Variants in NCOA2 observed in about 807,000 individuals in gnomAD.
NCOA2 encodes the protein nuclear receptor coactivator 2.
Under a neutral mutation model 145.1 loss-of-function variants are expected in NCOA2, and 21 were observed. The ratio of observed to expected loss-of-function variants is 0.14; its 90% CI spans 0.10 to 0.21. The LOEUF (loss-of-function observed/expected upper bound fraction) is 0.21, where lower values mean the gene tolerates loss of function less well. NCOA2 is among the 10% of genes least tolerant of loss of function. NCOA2 has a pLI of 1.00. For missense variants in NCOA2, 1,472 were observed against 1,837.6 expected, an observed-to-expected ratio of 0.80 and a Z score of 3.64; for synonymous variants, 619 against 637.5, an observed-to-expected ratio of 0.97 and a Z score of 0.44.
intron 1 of NCOA2, among the ~76,000 whole-genome samples, chr8:70,388,158 G>GA (rs1174311497): frequency 2.0e-5 from 3 of 150,506 alleles, no homozygotes; most frequent in East Asian, 3.8e-4. Context: ...AGAACTCAAG[G>GA]AAAAAACTGA....
chr8:70,397,181 A>G (rs1813746686), intron 1 of NCOA2, among the ~76,000 whole-genome samples: 2 of 152,218 alleles, frequency 1.3e-5, no homozygotes, highest in Non-Finnish European at 2.9e-5. Flanking sequence ...AGAATGGGCC[A>G]GGTGCAATAG....
intron 1 of NCOA2, among the ~76,000 whole-genome samples, chr8:70,323,234 T>C (rs1563763476): frequency 6.6e-6 from 1 of 152,222 alleles, no homozygotes; most frequent in Non-Finnish European, 1.5e-5. Flanking sequence ...AATCCCTGCC[T>C]GAGTAGAGTT....
Position 70,128,974 on chromosome 8 carries a change from C to A in NCOA2, c.3331G>T (p.Ala1111Ser). Residue 1111 changes from alanine to serine, a missense_variant, in exon 17 of 23, where the codon GCA (alanine) becomes TCA (serine). This residue lies in a region of NCOA2 where 953 missense variants were observed against 1,062.1 expected (regional missense o/e 0.90). Transcript: ENST00000452400. The stretch of plus-strand genomic sequence containing the variant: ...CTTGAGAACTGTTCTGGATCTACTG[C>A]TTGGCTCTGGAGAGAAAGTCCCAAA... ...GIPELVSQSQ[A>S]VDPEQFSSQD... 6.3e-7 allele frequency: 1 copy of A among 1,599,392 alleles called. No homozygotes were observed. The highest frequency in any genetic ancestry group is 8.5e-7 in the Non-Finnish European group (1 of 1,172,296).
upstream of NCOA2, among the ~76,000 whole-genome samples, chr8:70,407,568 C>T (rs776202303): frequency 2.6e-5 from 4 of 151,348 alleles, no homozygotes; most frequent in Non-Finnish European, 5.9e-5. Flanking sequence ...GCAGGCAGAT[C>T]ACGAGGTTAA....
chr8:70,202,492 T>C (rs1211361219), intron 4 of NCOA2, among the ~76,000 whole-genome samples: 5 of 152,164 alleles, frequency 3.3e-5, no homozygotes, highest in African/African-American at 1.2e-4. Flanking sequence ...TATAACACAG[T>C]AGAATCTTAT....
Position 70,159,242 on chromosome 8 carries a change from A to ATATATATATATATT in NCOA2, c.1124+262_1124+263insAATATATATATATA. 7.9e-4 allele frequency among the ~76,000 whole-genome samples: 48 copies of ATATATATATATATT among 61,076 alleles called. 1 individual carries two copies. Among genetic ancestry groups the ATATATATATATATT allele is most frequent in the Admixed American group, 2.3e-3 (13 of 5,610 alleles). 40.1% of individuals were successfully genotyped at this position (61,076 alleles called of 152,430 possible). A position where few individuals can be genotyped will look rare whatever the true frequency, so the allele number is the denominator to read the frequency against. ...TAACATTATATATATATATATATAT[A>ATATATATATATATT]TTTTTTTTTTTTTCCCCCAAATATT... On this transcript the variant is annotated intron_variant, in intron 10 of 22. Coordinates refer to ENST00000452400, the MANE Select transcript of NCOA2 (RefSeq NM_006540.4).
chr8:70,396,475 C>A (rs1203086729), intron 1 of NCOA2, among the ~76,000 whole-genome samples: 1 of 152,190 alleles, frequency 6.6e-6, no homozygotes, highest in Admixed American at 6.5e-5. Flanking sequence ...CAGGGTTCTA[C>A]CTCTCAATGC....
intron 2 of NCOA2, among the ~76,000 whole-genome samples, chr8:70,230,405 C>T (rs1821032528): frequency 6.6e-6 from 1 of 152,132 alleles, no homozygotes. Flanking sequence ...ATGGTGATGG[C>T]TGCACAACTT....
At chr8:70,315,297 A>G (rs1208856443) in intron 1 of NCOA2, among the ~76,000 whole-genome samples, 5 of 152,198 alleles carry the variant, frequency 3.3e-5, no homozygotes, top group African/African-American at 1.2e-4. Context: ...TTCCAGCAAA[A>G]ACACTTAAAA....
chr8:70,422,200 T>C, the NCOA2 span, among the ~76,000 whole-genome samples: 1 of 152,116 alleles, frequency 6.6e-6, no homozygotes, highest in Non-Finnish European at 1.5e-5. Flanking sequence ...CCAAATTTCT[T>C]TTCTGCAAAG....
rs555971955 is a variant in NCOA2, at chr8:70,257,894, G to T, written c.-20+38850C>A. 3.5e-3 allele frequency among the ~76,000 whole-genome samples: 524 copies of T among 150,210 alleles called. 5 individuals are homozygous for T. Among genetic ancestry groups the T allele is most frequent in the African/African-American group, 0.012 (507 of 41,020 alleles). On this transcript the variant is annotated intron_variant, in intron 2 of 22. Transcript: ENST00000452400. ...CGCAACAACAGCAAAAAAAAAAAAA[G>T]AAAGATGAGCATGTCTTTTTTCTTT...
chr8:70,281,258 G>A (rs1825850054), intron 2 of NCOA2, among the ~76,000 whole-genome samples: 1 of 149,520 alleles, frequency 6.7e-6, no homozygotes. Flanking sequence ...GGAGGCTGAG[G>A]CAGGAAAATC....
chr8:70,338,910 T>TA (rs1427977486), intron 1 of NCOA2, among the ~76,000 whole-genome samples: 7 of 152,014 alleles, frequency 4.6e-5, no homozygotes, highest in Non-Finnish European at 7.4e-5. Flanking sequence ...CCCTTCATGT[T>TA]AAAAAATCTC....
Position 70,159,564 on chromosome 8 carries a change from G to T in NCOA2, c.1065C>A (p.Leu355=). 1 of 1,612,362 alleles carries T rather than the reference G, an allele frequency of 6.2e-7. No individual in the cohort carries two copies. The highest frequency in any genetic ancestry group is 8.5e-7 in the Non-Finnish European group (1 of 1,178,534). The change falls in exon 10 of 23, where the codon CTC becomes CTA. Residue 355 remains leucine (L), a synonymous_variant. Transcript: ENST00000452400. ...TLVAAQTKSK[L]IRSQTTNEPQ... ...GTTCATTAGTAGTCTGAGAACGGAT[G>T]AGTTTGCTCTTCGTTTGTGCAGCAA...
At chr8:70,186,478 C>A (rs986917274) in intron 4 of NCOA2, among the ~76,000 whole-genome samples, 1 of 152,050 alleles carries the variant, frequency 6.6e-6, no homozygotes, top group Admixed American at 6.6e-5. Flanking sequence ...CAAGGTGCTG[C>A]GAGGGACAAA....
chr8:70,252,695 T>A (rs1823299498), intron 2 of NCOA2, among the ~76,000 whole-genome samples: 1 of 152,132 alleles, frequency 6.6e-6, no homozygotes, highest in African/African-American at 2.4e-5. Flanking sequence ...GGTATTAAGG[T>A]TTTTATGTCT....
At chr8:70,345,655 T>C (rs140247213) in intron 1 of NCOA2, among the ~76,000 whole-genome samples, 35 of 152,368 alleles carry the variant, frequency 2.3e-4, no homozygotes, top group African/African-American at 7.2e-4. Flanking sequence ...TCTGCTACTG[T>C]TGCTCTGCAA....
At chr8:70,345,718 C>T (rs534299215) in intron 1 of NCOA2, among the ~76,000 whole-genome samples, 1 of 152,188 alleles carries the variant, frequency 6.6e-6, no homozygotes, top group South Asian at 2.1e-4. Context: ...TAGTCCAACA[C>T]CCTCAAAAAT....
rs569239499 is a variant in NCOA2 at position 70,335,319 on chromosome 8, A to C, written c.-76-38519T>G. Among the ~76,000 whole-genome samples the C allele has an allele frequency of 5.9e-5, 9 of 152,064 alleles. No individual in the cohort carries two copies. The South Asian group carries it at 1.7e-3, about 28-fold the overall frequency. ...CAAACACATTCACACAGGTACCACA[A>C]TGTGTGTCATCTCAAAAGCAGAACT... On this transcript the variant is annotated intron_variant, in intron 1 of 22. Transcript: ENST00000452400.
Sources: gnomAD v4.1 joint callset for allele counts (sites outside exome capture counted in the v4.1 genomes callset) on GRCh38, gnomAD v4.1.1 for gene constraint, gnomAD v4.1.1 regional missense constraint, MANE v1.5 for transcripts, NCBI Gene and HGNC (gene_info 2026-07-23, HGNC 2026-07-21) for gene names.